The following SOD2 variants were observed in gnomAD, a reference collection of about 807,000 sequenced individuals.
SOD2 encodes the protein superoxide dismutase [Mn], mitochondrial.
Under a neutral mutation model 27.0 loss-of-function variants are expected in SOD2, and 11 were observed. The ratio of observed to expected loss-of-function variants is 0.41; its 90% CI spans 0.26 to 0.67. The LOEUF is 0.67. Ranked by LOEUF, SOD2 falls within the 30% of genes least tolerant of loss-of-function variation. SOD2 has a pLI of 0.34. For synonymous variants in SOD2, 105 were observed against 103.0 expected (o/e 1.02, Z -0.12); for missense variants, 250 against 274.5 (o/e 0.91, Z 0.63).
chr6:159,708,674 C>T (rs1253486719), intron 1 of SOD2, among the ~76,000 whole-genome samples: 1 of 152,174 alleles, frequency 6.6e-6, no homozygotes, highest in Admixed American at 6.5e-5. Context: ...GAATCAATAT[C>T]GTGAAAATGG....
intron 1 of SOD2, among the ~76,000 whole-genome samples, chr6:159,706,924 A>G (rs373892357): frequency 6.6e-6 from 1 of 152,028 alleles, no homozygotes; most frequent in Admixed American, 6.6e-5. Flanking sequence ...CTGTCTCTCA[A>G]ACCACAGTGC....
chr6:159,712,536 A>ACC, intron 1 of SOD2, among the ~76,000 whole-genome samples: 1 of 137,434 alleles, frequency 7.3e-6, no homozygotes, highest in South Asian at 2.4e-4. Context: ...CACTGCTCTG[A>ACC]TCACCATAAC....
At position 159,679,526 on chromosome 6, in the gene SOD2, G is replaced by C. The variant is rs1779858894; in HGVS notation, c.*2967C>G. The C allele has an allele frequency of 6.6e-6, 1 of 152,214 alleles. No homozygotes were observed. The highest frequency in any genetic ancestry group is 1.5e-5 in the Non-Finnish European group (1 of 68,034). 9.4% of individuals were successfully genotyped at this position (152,214 alleles called of 1,614,324 possible). On this transcript the variant is annotated 3_prime_UTR_variant, in exon 5 of 5. Transcript: ENST00000538183. ...ACCATGAATTTCAAGTTGCAATGAA[G>C]TGTACAATAAAGTTGTGATTTCTCA...
At chr6:159,728,469 A>G (rs1778364019), upstream of SOD2, among the ~76,000 whole-genome samples, 1 of 152,234 alleles carries the variant, frequency 6.6e-6, no homozygotes, top group African/African-American at 2.4e-5. Flanking sequence ...AAATACTTCT[A>G]TGAGTATGTT....
chr6:159,712,329 T>C (rs200006711), intron 1 of SOD2, among the ~76,000 whole-genome samples: 634 of 104,732 alleles, frequency 6.1e-3, no homozygotes, highest in East Asian at 0.018. Flanking sequence ...ACTGCTCTGA[T>C]CACCCTAACC....
chr6:159,714,518 A>G (rs1246974543), intron 1 of SOD2, among the ~76,000 whole-genome samples: 4 of 152,206 alleles, frequency 2.6e-5, no homozygotes, highest in African/African-American at 4.8e-5. Flanking sequence ...GACTTCCACC[A>G]GCAGGCTCAG....
chr6:159,720,223 A>AT (rs1583046124), intron 1 of SOD2, among the ~76,000 whole-genome samples: 2 of 150,768 alleles, frequency 1.3e-5, no homozygotes, highest in Admixed American at 6.6e-5. Flanking sequence ...ATAAATATAT[A>AT]TTTTTTTAGC....
chr6:159,684,797 T>C, intron 4 of SOD2, 57 bp downstream of exon 4: 1 of 1,354,682 alleles, frequency 7.4e-7, no homozygotes, highest in Non-Finnish European at 1.0e-6. Context: ...TATTTCTAGT[T>C]GAATGCTTTA....
chr6:159,697,893 A>T (rs550553056), upstream of SOD2, among the ~76,000 whole-genome samples: 1 of 152,306 alleles, frequency 6.6e-6, no homozygotes, highest in South Asian at 2.1e-4. Context: ...TAATCCCAAC[A>T]CTTTGGGAGG....
At chr6:159,689,688 G>A (rs1243312721) in intron 2 of SOD2, among the ~76,000 whole-genome samples, 1 of 152,186 alleles carries the variant, frequency 6.6e-6, no homozygotes, top group Admixed American at 6.5e-5. Flanking sequence ...GGCCGGGTGC[G>A]GTGGCTCACG....
At chr6:159,720,901 G>T in intron 1 of SOD2, among the ~76,000 whole-genome samples, 1 of 112,508 alleles carries the variant, frequency 8.9e-6, no homozygotes. Flanking sequence ...GTGTCGCCCA[G>T]GCTGTAGTGC....
intron 4 of SOD2, among the ~76,000 whole-genome samples, chr6:159,683,148 G>A (rs146637581): frequency 4.0e-4 from 61 of 152,214 alleles, no homozygotes; most frequent in African/African-American, 1.4e-3. Flanking sequence ...AATTAAGTGA[G>A]GTAAATGAAG....
At chr6:159,755,749 G>GT (rs1402868444) in intron 1 of SOD2, 8,588 of 312,100 alleles carry the variant, frequency 0.028, 1 homozygote, top group Middle Eastern at 0.032. Context: ...TTTTTTCTTT[G>GT]TTTTTTTTTT....
chr6:159,707,876 C>T (rs1050468512), intron 1 of SOD2, among the ~76,000 whole-genome samples: 1 of 151,964 alleles, frequency 6.6e-6, no homozygotes, highest in Admixed American at 6.6e-5. Flanking sequence ...TCAATAAAAT[C>T]CTGGCAAACT....
chr6:159,711,898 T>G (rs1384222297), intron 1 of SOD2, among the ~76,000 whole-genome samples: 1 of 108,884 alleles, frequency 9.2e-6, no homozygotes, highest in African/African-American at 3.5e-5. Flanking sequence ...TAACCACCAC[T>G]CACATTGCTC....
At position 159,679,342 on chromosome 6, in the gene SOD2, T is replaced by C. The variant is rs1243728215; in HGVS notation, c.*3151A>G. On this transcript the variant is annotated 3_prime_UTR_variant, in exon 5 of 5. Coordinates refer to ENST00000538183, the MANE Select transcript of SOD2 (RefSeq NM_000636.4). ...AATTTGTAAAACATTTACCTAATAATAGCTTTCCCAAACAGTACTTCCCCT... is the reference window on the plus strand; with the variant it reads ...AATTTGTAAAACATTTACCTAATAACAGCTTTCCCAAACAGTACTTCCCCT... 2.0e-5 allele frequency: 3 copies of C among 152,236 alleles called. No homozygotes were observed. The highest frequency in any genetic ancestry group is 4.8e-5 in the African/African-American group (2 of 41,458). 9.4% of individuals were successfully genotyped at this position (152,236 alleles called of 1,614,324 possible). A position where few individuals can be genotyped will look rare whatever the true frequency, so the allele number is the denominator to read the frequency against.
At chr6:159,726,953 G>T in intron 1 of SOD2, 1 of 1,287,720 alleles carries the variant, frequency 7.8e-7, no homozygotes, top group Non-Finnish European at 1.0e-6. Flanking sequence ...TCACGGATGA[G>T]CGTCACGAAC....
At position 159,681,650 on chromosome 6, in the gene SOD2, G is replaced by A. The variant is rs1272412833; in HGVS notation, c.*843C>T. The A allele has an allele frequency of 1.3e-5, 2 of 152,118 alleles. No homozygotes were observed. Among genetic ancestry groups the A allele is most frequent in the African/African-American group, 4.8e-5 (2 of 41,416 alleles). 9.4% of individuals were successfully genotyped at this position (152,118 alleles called of 1,614,324 possible). A position where few individuals can be genotyped will look rare whatever the true frequency, so the allele number is the denominator to read the frequency against. The stretch of plus-strand genomic sequence containing the variant: ...AACCAATATATAAGCTTCATGTAGT[G>A]ATTTACAATTTTGGTATACAGCCAT... On this transcript the variant is annotated 3_prime_UTR_variant, in exon 5 of 5. Transcript: ENST00000538183.
At chr6:159,695,269 G>T (rs1777400894), upstream of SOD2, among the ~76,000 whole-genome samples, 2 of 152,086 alleles carry the variant, frequency 1.3e-5, no homozygotes, top group Admixed American at 1.3e-4. Flanking sequence ...TGCACTTCTT[G>T]TTTGTATAGA....
Sources: gnomAD v4.1 joint callset for allele counts (sites outside exome capture counted in the v4.1 genomes callset) on GRCh38, gnomAD v4.1.1 for gene constraint, MANE v1.5 for transcripts, NCBI Gene and HGNC (gene_info 2026-07-23, HGNC 2026-07-21) for gene names.